UGT2B28: variants seen among roughly 807,000 people sequenced by gnomAD.
The protein encoded by UGT2B28 is UDP glucuronosyltransferase family 2 member B28.
A neutral mutation model predicts 43.6 loss-of-function variants in UGT2B28; 45 were observed. That is an observed-to-expected ratio of 1.03 (90% CI 0.81 to 1.32). The LOEUF is 1.32. Ranked by LOEUF, UGT2B28 falls within the 40% of genes most tolerant of loss-of-function variation. The pLI is 0.00. For synonymous variants in UGT2B28, 204 were observed against 208.1 expected, an observed-to-expected ratio of 0.98 and a Z score of 0.17; for missense variants, 649 against 625.5, an observed-to-expected ratio of 1.04 and a Z score of -0.40.
chr4:69,283,378 C>A (rs1378384884), intron 2 of UGT2B28, among the ~76,000 whole-genome samples: 1 of 139,626 alleles, frequency 7.2e-6, no homozygotes. Context: ...TGAAAAACTA[C>A]TAAAAAGAGT....
At chr4:69,282,750 A>G (rs1200924324) in intron 2 of UGT2B28, 88 bp downstream of exon 2, 2 of 1,474,510 alleles carry the variant, frequency 1.4e-6, no homozygotes, top group Non-Finnish European at 1.8e-6. Context: ...TGTTTGACTT[A>G]CACTGAAAGA....
chr4:69,282,338 A>G (rs1178727916), intron 1 of UGT2B28, among the ~76,000 whole-genome samples, 176 bp from the exon 2 acceptor site: 5 of 140,450 alleles, frequency 3.6e-5, no homozygotes, highest in South Asian at 2.3e-4. Context: ...ATAAACATGG[A>G]CAAAATATAT....
rs1487282843 is a variant in UGT2B28 at position 69,294,145 on chromosome 4, T to A, written c.1311-385T>A. On this transcript the variant is annotated intron_variant, in intron 5 of 5. Transcript: ENST00000335568. Reference sequence around the variant, plus strand: ...AAAGGATAAATGCTTAAAGGATGAATATCCTATTTTTCATGATGTGATTAT... The same window carrying A: ...AAAGGATAAATGCTTAAAGGATGAAAATCCTATTTTTCATGATGTGATTAT... 3.6e-5 allele frequency among the ~76,000 whole-genome samples: 5 copies of A among 140,572 alleles called. 1 individual carries two copies. Among genetic ancestry groups the A allele is most frequent in the Non-Finnish European group, 7.6e-5 (5 of 65,866 alleles). 92.2% of individuals were successfully genotyped at this position (140,572 alleles called of 152,430 possible).
intron 2 of UGT2B28, among the ~76,000 whole-genome samples, chr4:69,284,990 T>G (rs1423365251): frequency 7.1e-6 from 1 of 140,116 alleles, no homozygotes; most frequent in Non-Finnish European, 1.5e-5. Context: ...TTAGAATTAA[T>G]CCGACATCTT....
chr4:69,286,214 G>T (rs1323643338), intron 2 of UGT2B28, among the ~76,000 whole-genome samples: 1 of 141,324 alleles, frequency 7.1e-6, no homozygotes, highest in Non-Finnish European at 1.5e-5. Flanking sequence ...ATAAAGCATT[G>T]TAGAGGAACA....
rs1381740646 is a variant in UGT2B28 at position 69,280,925 on chromosome 4, A to C, written c.425A>C (p.Glu142Ala). 9.0e-6 allele frequency: 14 copies of C among 1,560,312 alleles called. No individual in the cohort carries two copies. Among genetic ancestry groups the C allele is most frequent in the Non-Finnish European group, 1.2e-5 (14 of 1,155,748 alleles). Reference sequence around the variant, plus strand: ...AAGAAAGTTATGAAAAAACTACAAGAGTCAAGATTTGACATCATTTTTGCA... The same window carrying C: ...AAGAAAGTTATGAAAAAACTACAAGCGTCAAGATTTGACATCATTTTTGCA... ...SNKKVMKKLQESRFDIIFADA... is the reference protein window; with the variant it reads ...SNKKVMKKLQASRFDIIFADA... The change falls in exon 1 of 6, where the codon GAG becomes GCG. Residue 142 changes from glutamate (E) to alanine (A), a missense_variant. Physicochemically the swap from Glu to Ala is moderately radical, Grantham distance 107. Transcript: ENST00000335568.
chr4:69,284,509 C>G (rs1461615269), intron 2 of UGT2B28, among the ~76,000 whole-genome samples: 5 of 139,840 alleles, frequency 3.6e-5, no homozygotes, highest in Admixed American at 7.2e-5. Context: ...TCTCAAGAGA[C>G]AAAAGCTGAG....
rs1723846129 is a variant in UGT2B28 at position 69,288,524 on chromosome 4, A to G, written c.1003-1141A>G. ...ATAGTTACTGTTTTATTACACTAGA[A>G]TTACAATGACTCCATATAATTTTTT... is the stretch of plus-strand genomic sequence containing the variant. On this transcript the variant is annotated intron_variant, in intron 3 of 5. Transcript: ENST00000335568. Among the ~76,000 whole-genome samples, 3 of 139,846 alleles carry G rather than the reference A, an allele frequency of 2.1e-5. No homozygotes were observed. The South Asian group carries it at 7.1e-4, about 33-fold the overall frequency. The allele number at this position is 139,846 out of a possible 152,430, so 91.7% of individuals were successfully genotyped here.
chr4:69,282,745 G>T, intron 2 of UGT2B28, 83 bp downstream of exon 2: 1 of 1,477,970 alleles, frequency 6.8e-7, no homozygotes, highest in Middle Eastern at 2.4e-4. Flanking sequence ...CAAAATGTTT[G>T]ACTTACACTG....
At chr4:69,290,922 A>G (rs1478987866) in intron 5 of UGT2B28, 111 bp downstream of exon 5, 4 of 1,309,908 alleles carry the variant, frequency 3.1e-6, no homozygotes, top group Non-Finnish European at 4.0e-6. Flanking sequence ...AAGAATTTAA[A>G]TGATTTAACC....
In UGT2B28 at chr4:69,289,305, T is replaced by G. The variant is rs913823404; in HGVS notation, c.1003-360T>G. On this transcript the variant is annotated intron_variant, in intron 3 of 5. Coordinates refer to ENST00000335568, the MANE Select transcript of UGT2B28 (RefSeq NM_053039.2). Reference sequence around the variant, plus strand: ...ATTCTGACTAGTGTGAGATGTTATCTCATTATGGTTTTGATTTGAATTTCT... The same window carrying G: ...ATTCTGACTAGTGTGAGATGTTATCGCATTATGGTTTTGATTTGAATTTCT... Among the ~76,000 whole-genome samples, 6 of 140,430 alleles carry G rather than the reference T, an allele frequency of 4.3e-5. 2 individuals carry two copies. Among genetic ancestry groups the G allele is most frequent in the African/African-American group, 1.7e-4 (6 of 35,904 alleles). The allele number at this position is 140,430 out of a possible 152,430, so 92.1% of individuals were successfully genotyped here.
chr4:69,285,706 C>A (rs1321607687), intron 2 of UGT2B28, among the ~76,000 whole-genome samples: 2 of 141,446 alleles, frequency 1.4e-5, no homozygotes, highest in East Asian at 2.0e-4. Context: ...ATGATTAAAT[C>A]TGAAAATACT....
intron 1 of UGT2B28, 82 bp downstream of exon 1, chr4:69,281,303 A>G: frequency 7.4e-7 from 1 of 1,358,116 alleles, no homozygotes; most frequent in Non-Finnish European, 9.6e-7. Context: ...CCATAAAGTC[A>G]GGGAAGTGGA....
At position 69,281,177 on chromosome 4, in the gene UGT2B28, T is replaced by A. The variant is rs746719102; in HGVS notation, c.677T>A (p.Met226Lys). ...YVLYFDFWFQ[M>K]CDMKKWDQFY... is the part of the protein sequence containing the mutation. ...CTTTATTTTGACTTTTGGTTCCAAA[T>A]GTGTGATATGAAGAAGTGGGATCAG... The change falls in exon 1 of 6, where the codon ATG becomes AAG. Residue 226 changes from methionine to lysine, a missense_variant. Met to Lys is a moderately conservative substitution (Grantham distance 95). Transcript: ENST00000335568. 2 of 1,545,102 alleles carry A rather than the reference T, an allele frequency of 1.3e-6. No individual in the cohort carries two copies. Among genetic ancestry groups the A allele is most frequent in the South Asian group, 1.2e-5 (1 of 80,830 alleles).
intron 5 of UGT2B28, among the ~76,000 whole-genome samples, 172 bp from the exon 6 acceptor site, chr4:69,294,357 CA>C (rs1263025996): frequency 7.2e-6 from 1 of 139,310 alleles, no homozygotes; most frequent in Non-Finnish European, 1.5e-5. Flanking sequence ...GAGAAAAGTC[CA>C]ATTTAAAAGC....
chr4:69,281,312 G>C, intron 1 of UGT2B28, 91 bp downstream of exon 1: 1 of 1,330,574 alleles, frequency 7.5e-7, no homozygotes. Context: ...CAGGGAAGTG[G>C]AGTTTTTGGT....
chr4:69,289,190 A>G lies in UGT2B28; in HGVS notation c.1003-475A>G, dbSNP rs192553868. On this transcript the variant is annotated intron_variant, in intron 3 of 5. Transcript: ENST00000335568. ...CACTGTCTTCCACAATGGTTGAACT[A>G]ACTTACATTCCAACCAACAGAGTAT... is the stretch of plus-strand genomic sequence containing the variant. 2.2e-3 allele frequency among the ~76,000 whole-genome samples: 306 copies of G among 139,922 alleles called. 70 individuals are homozygous for G. The highest frequency in any genetic ancestry group is 8.4e-3 in the African/African-American group (299 of 35,796). 91.8% of individuals were successfully genotyped at this position (139,922 alleles called of 152,430 possible). A position where few individuals can be genotyped will look rare whatever the true frequency, so the allele number is the denominator to read the frequency against.
Position 69,294,828 on chromosome 4 carries a change from G to T in UGT2B28, c.*19G>T, listed in dbSNP as rs1724058206. ...AGATTAGTTATGTCTGACATTTGAA[G>T]CTGGAAAACCAGATAGATGGGTTGA... On this transcript the variant is annotated 3_prime_UTR_variant, in exon 6 of 6. Coordinates refer to ENST00000335568, the MANE Select transcript of UGT2B28 (RefSeq NM_053039.2). 2 of 1,531,722 alleles carry T rather than the reference G, an allele frequency of 1.3e-6. No individual in the cohort carries two copies. The highest frequency in any genetic ancestry group is 1.8e-6 in the Non-Finnish European group (2 of 1,142,678). The allele number at this position is 1,531,722 out of a possible 1,614,324, so 94.9% of individuals were successfully genotyped here.
At position 69,280,811 on chromosome 4, in the gene UGT2B28, G is replaced by T. The variant is rs752442032; in HGVS notation, c.311G>T (p.Ser104Ile). 12 of 1,566,378 alleles carry T rather than the reference G, an allele frequency of 7.7e-6. 1 individual carries two copies. The East Asian group carries it at 2.5e-4, about 33-fold the overall frequency. The change falls in exon 1 of 6, where the codon AGC (serine) becomes ATC (isoleucine). Residue 104 changes from serine to isoleucine, a missense_variant. Coordinates refer to ENST00000335568, the MANE Select transcript of UGT2B28 (RefSeq NM_053039.2). ...VKRWSDIQKD[S>I]FWLYFSQEQE... ...AGATGGTCAGACATTCAAAAAGATAGCTTTTGGTTATATTTTTCACAAGAA... is the reference window on the plus strand; with the variant it reads ...AGATGGTCAGACATTCAAAAAGATATCTTTTGGTTATATTTTTCACAAGAA...
Sources: gnomAD v4.1 joint callset for allele counts (sites outside exome capture counted in the v4.1 genomes callset) on GRCh38, gnomAD v4.1.1 for gene constraint, MANE v1.5 for transcripts, NCBI Gene and HGNC (gene_info 2026-07-23, HGNC 2026-07-21) for gene names.